The following CDK17 variants were observed in gnomAD, a reference collection of about 807,000 sequenced individuals.
CDK17 encodes cyclin-dependent kinase 17.
A neutral mutation model predicts 77.6 loss-of-function variants in CDK17; 24 were observed. The ratio of observed to expected loss-of-function variants is 0.31; its 90% confidence interval spans 0.22 to 0.44. The LOEUF is 0.44. Ranked by LOEUF, CDK17 falls within the 20% of genes least tolerant of loss-of-function variation. The pLI is 1.00. For synonymous variants in CDK17, 203 were observed against 210.4 expected, an observed-to-expected ratio of 0.96 and a Z score of 0.30; for missense variants, 429 against 622.5, an observed-to-expected ratio of 0.69 and a Z score of 3.31.
At chr12:96,316,253 T>TA (rs1315162843) in intron 3 of CDK17, among the ~76,000 whole-genome samples, 2 of 151,994 alleles carry the variant, frequency 1.3e-5, no homozygotes, top group African/African-American at 4.8e-5. Flanking sequence ...CAGACCGGCT[T>TA]AAAAAACGGC....
intron 2 of CDK17, among the ~76,000 whole-genome samples, chr12:96,332,712 T>C (rs1303142026): frequency 6.6e-6 from 1 of 152,208 alleles, no homozygotes; most frequent in Admixed American, 6.5e-5. Context: ...TTATGACGTC[T>C]TGAAGTATTA....
chr12:96,289,421 T>A, intron 10 of CDK17, 134 bp from the exon 11 acceptor site: 1 of 902,872 alleles, frequency 1.1e-6, no homozygotes, highest in Non-Finnish European at 1.7e-6. Flanking sequence ...TCACCACTAT[T>A]AACTTTATGA....
At chr12:96,333,826 T>A (rs1217689932) in intron 2 of CDK17, among the ~76,000 whole-genome samples, 3 of 152,104 alleles carry the variant, frequency 2.0e-5, no homozygotes, top group African/African-American at 7.2e-5. Flanking sequence ...GAGCAAATAA[T>A]GACCCTTCTG....
In CDK17 at chr12:96,304,297, C is replaced by T. The variant is rs538646916; in HGVS notation, c.544-3937G>A. ...CTCATGCCTGTAATCCCAGCACTTTCGGAGGCCGAGAAGGGCGGATCATGA... is the reference window on the plus strand; with the variant it reads ...CTCATGCCTGTAATCCCAGCACTTTTGGAGGCCGAGAAGGGCGGATCATGA... On this transcript the variant is annotated intron_variant, in intron 5 of 16. Transcript: ENST00000261211. Among the ~76,000 whole-genome samples, 34 of 152,146 alleles carry T rather than the reference C, an allele frequency of 2.2e-4. No individual in the cohort carries two copies. The South Asian group carries it at 2.3e-3, about 10-fold the overall frequency.
intron 1 of CDK17, among the ~76,000 whole-genome samples, chr12:96,388,262 T>C (rs946871747): frequency 6.6e-6 from 1 of 152,228 alleles, no homozygotes; most frequent in African/African-American, 2.4e-5. Context: ...AAGAAATATT[T>C]GGTTGGCCCT....
At chr12:96,391,463 G>GTA (rs34187888) in intron 1 of CDK17, among the ~76,000 whole-genome samples, 65,489 of 151,040 alleles carry the variant, frequency 0.43, 15,357 homozygotes, top group African/African-American at 0.61. Context: ...CTAATTTTTT[G>GTA]TATTTTTAGT....
rs146404021 is a variant in CDK17 at position 96,289,733 on chromosome 12, T to A, written c.998-446A>T. On this transcript the variant is annotated intron_variant, in intron 10 of 16. Transcript: ENST00000261211. Reference sequence around the variant, plus strand: ...ATTCCAACTTTCATTTGCTATACCATTTTTTATCAAAAACTGTAAAGTTAT... The same window carrying A: ...ATTCCAACTTTCATTTGCTATACCAATTTTTATCAAAAACTGTAAAGTTAT... 4.0e-3 allele frequency among the ~76,000 whole-genome samples: 603 copies of A among 152,328 alleles called. 2 individuals are homozygous for A. The highest frequency in any genetic ancestry group is 0.014 in the African/African-American group (587 of 41,562).
At chr12:96,285,819 G>A (rs1437727128) in intron 13 of CDK17, 1 of 267,644 alleles carries the variant, frequency 3.7e-6, no homozygotes, top group Non-Finnish European at 7.0e-6. Context: ...CATAATCTCT[G>A]TGGTACGGAA....
chr12:96,341,649 G>A (rs1314799907), intron 1 of CDK17, among the ~76,000 whole-genome samples: 2 of 152,084 alleles, frequency 1.3e-5, no homozygotes, highest in African/African-American at 2.4e-5. Flanking sequence ...ATTTACTTAA[G>A]GAATATAGAT....
At chr12:96,315,594 T>G (rs1018520677) in intron 3 of CDK17, among the ~76,000 whole-genome samples, 1 of 152,206 alleles carries the variant, frequency 6.6e-6, no homozygotes, top group African/African-American at 2.4e-5. Context: ...AATCATGGCT[T>G]CCATTTCTAG....
intron 1 of CDK17, among the ~76,000 whole-genome samples, chr12:96,345,362 C>G (rs575642881): frequency 6.6e-6 from 1 of 152,304 alleles, no homozygotes; most frequent in Non-Finnish European, 1.5e-5. Context: ...GATTGCTGGT[C>G]AAATGGTATT....
intron 1 of CDK17, among the ~76,000 whole-genome samples, chr12:96,375,427 T>A (rs7309944): frequency 0.21 from 32,258 of 151,614 alleles, 4,333 homozygotes; most frequent in Middle Eastern, 0.33. Flanking sequence ...ATTTTTCTTC[T>A]ATGTTTCCTC....
chr12:96,309,274 C>G (rs1393641021), intron 5 of CDK17, among the ~76,000 whole-genome samples: 1 of 151,622 alleles, frequency 6.6e-6, no homozygotes, highest in Non-Finnish European at 1.5e-5. Flanking sequence ...TTACAACACC[C>G]TTCATTCATA....
intron 3 of CDK17, among the ~76,000 whole-genome samples, chr12:96,315,455 C>CA (rs149366720): frequency 6.6e-6 from 1 of 152,058 alleles, no homozygotes; most frequent in Non-Finnish European, 1.5e-5. Context: ...GATATGTGAA[C>CA]AAAAAATTAA....
chr12:96,298,120 A>G (rs1165320838), intron 7 of CDK17, among the ~76,000 whole-genome samples: 1 of 151,792 alleles, frequency 6.6e-6, no homozygotes, highest in African/African-American at 2.4e-5. Flanking sequence ...CGTCTCTACT[A>G]AAAAATACAA....
At chr12:96,324,640 G>A (rs1952869655) in intron 2 of CDK17, among the ~76,000 whole-genome samples, 1 of 151,964 alleles carries the variant, frequency 6.6e-6, no homozygotes, top group South Asian at 2.1e-4. Context: ...GGTGGCATGC[G>A]CCTGTAGTCC....
intron 3 of CDK17, among the ~76,000 whole-genome samples, chr12:96,322,204 G>C (rs1013849106): frequency 6.6e-6 from 1 of 152,132 alleles, no homozygotes; most frequent in Admixed American, 6.5e-5. Flanking sequence ...ATCTGTCAAG[G>C]GGGGAAGAGG....
intron 1 of CDK17, among the ~76,000 whole-genome samples, chr12:96,389,169 C>T (rs1954024922): frequency 6.7e-6 from 1 of 149,622 alleles, no homozygotes; most frequent in Non-Finnish European, 1.5e-5. Context: ...GGCATGGGGT[C>T]TCCCTATGTT....
intron 1 of CDK17, among the ~76,000 whole-genome samples, chr12:96,356,621 T>C (rs765686928): frequency 2.4e-4 from 36 of 152,304 alleles, no homozygotes; most frequent in Admixed American, 8.5e-4. Context: ...CAAGACATTA[T>C]AGTTCACTAT....
Sources: gnomAD v4.1 joint callset for allele counts (sites outside exome capture counted in the v4.1 genomes callset) on GRCh38, gnomAD v4.1.1 for gene constraint, MANE v1.5 for transcripts, NCBI Gene and HGNC (gene_info 2026-07-23, HGNC 2026-07-21) for gene names.